Variants in ANO3 observed in about 807,000 individuals in gnomAD.
ANO3 encodes anoctamin-3.
In ANO3, 99 loss-of-function variants were observed where a neutral mutation model predicts 144.8. The observed-to-expected ratio is 0.68, with a 90% CI of 0.58 to 0.81. The LOEUF (loss-of-function observed/expected upper bound fraction) is 0.81, where lower values mean the gene tolerates loss of function less well. Among genes scored for constraint, ANO3 ranks in the 30% least tolerant of loss-of-function variants. The probability of loss-of-function intolerance (pLI) is 0.00; values close to 1 mark genes in which losing one functional copy is unlikely to be tolerated. For synonymous variants in ANO3, 414 were observed against 392.6 expected (o/e 1.05, Z -0.64); for missense variants, 905 against 1,202.2 (o/e 0.75, Z 3.66).
intron 1 of ANO3, among the ~76,000 whole-genome samples, chr11:26,246,452 G>A (rs924509443): frequency 1.9e-5 from 2 of 107,380 alleles, no homozygotes; most frequent in African/African-American, 7.0e-5. Flanking sequence ...TCTAAGTGTA[G>A]TCTTTATATA....
At chr11:26,235,102 G>A (rs1409992017) in intron 1 of ANO3, among the ~76,000 whole-genome samples, 1 of 151,846 alleles carries the variant, frequency 6.6e-6, no homozygotes, top group Non-Finnish European at 1.5e-5. Flanking sequence ...ATTTCTAGAT[G>A]CCACCCATAT....
intron 1 of ANO3, among the ~76,000 whole-genome samples, chr11:26,234,497 C>A (rs562364093): frequency 6.6e-6 from 1 of 152,220 alleles, no homozygotes; most frequent in South Asian, 2.1e-4. Context: ...TCTTAGAGAC[C>A]AAATTAAGAT....
intron 1 of ANO3, among the ~76,000 whole-genome samples, chr11:26,430,805 T>A (rs770083034): frequency 1.3e-5 from 2 of 152,140 alleles, no homozygotes; most frequent in Non-Finnish European, 2.9e-5. Flanking sequence ...ATTTGAAAGC[T>A]AAAATGGGGA....
At chr11:26,644,629 T>C (rs765504040) in intron 23 of ANO3, among the ~76,000 whole-genome samples, 5 of 152,210 alleles carry the variant, frequency 3.3e-5, no homozygotes, top group African/African-American at 4.8e-5. Context: ...GATTTTTGGA[T>C]TGTTGTTCTA....
intron 1 of ANO3, among the ~76,000 whole-genome samples, chr11:26,220,707 C>A (rs71480114): frequency 0.3 from 46,004 of 152,046 alleles, 7,702 homozygotes; most frequent in Non-Finnish European, 0.37. Flanking sequence ...TCAGACATCT[C>A]AAAAATGATG....
chr11:26,462,333 T>G (rs1444033670), intron 3 of ANO3, among the ~76,000 whole-genome samples: 2 of 151,938 alleles, frequency 1.3e-5, no homozygotes, highest in Non-Finnish European at 2.9e-5. Flanking sequence ...TTTAGTGAAG[T>G]GTGTCAAGAA....
chr11:26,271,617 T>C (rs1358786985), intron 1 of ANO3, among the ~76,000 whole-genome samples: 3 of 152,170 alleles, frequency 2.0e-5, no homozygotes, highest in Non-Finnish European at 4.4e-5. Flanking sequence ...TTATTTCTTG[T>C]ATAATTAATA....
intron 1 of ANO3, among the ~76,000 whole-genome samples, chr11:26,397,198 A>G (rs1857038424): frequency 6.7e-6 from 1 of 148,494 alleles, no homozygotes; most frequent in Non-Finnish European, 1.5e-5. Flanking sequence ...CTCAGTACTT[A>G]GTACTTCAGT....
intron 14 of ANO3, among the ~76,000 whole-genome samples, chr11:26,568,290 G>T (rs1850676333): frequency 6.6e-6 from 1 of 151,978 alleles, no homozygotes; most frequent in African/African-American, 2.4e-5. Flanking sequence ...ATGATTAAGT[G>T]GGACATAAAT....
intron 4 of ANO3, among the ~76,000 whole-genome samples, chr11:26,484,389 A>G (rs560388274): frequency 6.6e-6 from 1 of 152,222 alleles, no homozygotes; most frequent in African/African-American, 2.4e-5. Context: ...AAGGCCCCAT[A>G]TATGTCTCAG....
chr11:26,268,965 C>T (rs1463626276), intron 1 of ANO3, among the ~76,000 whole-genome samples: 1 of 152,172 alleles, frequency 6.6e-6, no homozygotes, highest in East Asian at 1.9e-4. Context: ...CTAAAACTCA[C>T]AGACTCAGAG....
chr11:26,205,841 T>C (rs75194690), intron 1 of ANO3, among the ~76,000 whole-genome samples: 7,872 of 152,294 alleles, frequency 0.052, 336 homozygotes, highest in Admixed American at 0.13. Context: ...TGTCCTCTAA[T>C]GGTCTTTTTA....
chr11:26,334,532 T>C (rs540117521), intron 1 of ANO3, among the ~76,000 whole-genome samples: 2 of 152,350 alleles, frequency 1.3e-5, no homozygotes, highest in South Asian at 4.1e-4. Flanking sequence ...GGTTCTAAGC[T>C]TGCGTTTGTT....
At chr11:26,500,609 T>C (rs939063072) in intron 4 of ANO3, among the ~76,000 whole-genome samples, 1 of 152,140 alleles carries the variant, frequency 6.6e-6, no homozygotes, top group Non-Finnish European at 1.5e-5. Context: ...TTTGGAGAAA[T>C]ATCTATTCAA....
chr11:26,469,948 A>T (rs1426722749), intron 4 of ANO3, among the ~76,000 whole-genome samples: 1 of 151,940 alleles, frequency 6.6e-6, no homozygotes, highest in Non-Finnish European at 1.5e-5. Context: ...GTTTTGTTGT[A>T]CTTTTAAACT....
intron 1 of ANO3, among the ~76,000 whole-genome samples, chr11:26,383,210 T>G (rs989477779): frequency 6.6e-6 from 1 of 152,190 alleles, no homozygotes; most frequent in African/African-American, 2.4e-5. Flanking sequence ...TAGATATTAA[T>G]AATAAAAATT....
At chr11:26,588,242 T>C (rs1419511202) in intron 14 of ANO3, among the ~76,000 whole-genome samples, 1 of 152,204 alleles carries the variant, frequency 6.6e-6, no homozygotes, top group Non-Finnish European at 1.5e-5. Context: ...GCTATTTGTA[T>C]TATTAATTGT....
intron 4 of ANO3, among the ~76,000 whole-genome samples, chr11:26,482,927 C>A (rs1175408218): frequency 1.3e-5 from 2 of 152,140 alleles, no homozygotes; most frequent in African/African-American, 4.8e-5. Context: ...GACATGATTT[C>A]ACTCCTTTTT....
chr11:26,386,040 ATC>A (rs1035802889), intron 1 of ANO3, among the ~76,000 whole-genome samples: 66 of 152,272 alleles, frequency 4.3e-4, no homozygotes, highest in African/African-American at 1.6e-3. Flanking sequence ...AGTTTTAAAT[ATC>A]TTCCAGTAAA....
Sources: allele counts gnomAD v4.1 joint callset (sites outside exome capture counted in the v4.1 genomes callset), GRCh38; gene constraint gnomAD v4.1.1; transcripts MANE v1.5; gene names NCBI Gene and HGNC (gene_info 2026-07-23, HGNC 2026-07-21).